LRFN2: variants seen among roughly 807,000 people sequenced by gnomAD.
LRFN2 encodes the protein leucine rich repeat and fibronectin type III domain containing 2.
LRFN2 carries 18 observed loss-of-function variants against 37.3 expected under a neutral mutation model. The ratio of observed to expected loss-of-function variants is 0.48; its 90% confidence interval spans 0.33 to 0.72. The LOEUF is 0.72. LRFN2 is among the 30% of genes least tolerant of loss of function. The pLI is 0.02. For synonymous variants in LRFN2, 556 were observed against 466.6 expected (o/e 1.19, Z -2.47); for missense variants, 1,006 against 1,060.7 (o/e 0.95, Z 0.72).
At chr6:40,449,199 G>T (rs1460693930) in intron 1 of LRFN2, among the ~76,000 whole-genome samples, 5 of 152,210 alleles carry the variant, frequency 3.3e-5, no homozygotes, top group African/African-American at 1.2e-4. Context: ...AGTATTTGAG[G>T]TGATGGATAT....
intron 2 of LRFN2, among the ~76,000 whole-genome samples, chr6:40,420,542 C>T (rs1763202713): frequency 6.6e-6 from 1 of 152,226 alleles, no homozygotes; most frequent in Non-Finnish European, 1.5e-5. Flanking sequence ...TGGGCAGGTG[C>T]CAAGAAATGC....
Position 40,433,024 on chromosome 6 carries a change from C to G in LRFN2, c.90G>C (p.Leu30=). 1 of 1,598,566 alleles carries G rather than the reference C, an allele frequency of 6.3e-7. No homozygotes were observed. The highest frequency in any genetic ancestry group is 1.7e-5 in the Admixed American group (1 of 58,058). The part of the protein sequence containing the change: ...ACPKYCVCQN[L]SESLGTLCPS... ...GGCACAGGGTCCCCAGTGACTCAGA[C>G]AGATTCTGGCAGACACAGTACTTGG... is the stretch of plus-strand genomic sequence containing the variant. The change falls in exon 2 of 3, where the codon CTG becomes CTC. Residue 30 remains leucine (L), a synonymous_variant. Transcript: ENST00000338305.
At chr6:40,411,981 C>T (rs1762978901) in intron 2 of LRFN2, among the ~76,000 whole-genome samples, 1 of 152,124 alleles carries the variant, frequency 6.6e-6, no homozygotes, top group African/African-American at 2.4e-5. Flanking sequence ...AGCATAGCTG[C>T]CTCAGGTCTC....
In LRFN2 at chr6:40,392,056, T is replaced by C. The variant is rs765933815; in HGVS notation, c.2257A>G (p.Thr753Ala). 5.6e-6 allele frequency: 9 copies of C among 1,614,010 alleles called. No individual in the cohort carries two copies. The highest frequency in any genetic ancestry group is 3.3e-5 in the Admixed American group (2 of 60,006). ...CCGTTGACAGAGAGGCTGCGCTTCG[T>C]CCAGATGTTCGAGACCTTCCGAGGA... ...SPPRKVSNIW[T>A]KRSLSVNGML... Residue 753 changes from threonine to alanine, a missense_variant, in exon 3 of 3, where the codon ACG becomes GCG. Physicochemically the swap from Thr to Ala is moderately conservative, Grantham distance 58. This residue lies in a region of LRFN2 where 398 missense variants were observed against 327.6 expected (regional missense o/e 1.21). Coordinates refer to ENST00000338305, the MANE Select transcript of LRFN2 (RefSeq NM_020737.3). The surrounding 1 kb of genome is among the most constrained non-coding windows in gnomAD (Gnocchi z 4.7).
Position 40,432,633 on chromosome 6 carries a change from G to A in LRFN2, c.481C>T (p.Leu161Phe). 1 of 1,614,228 alleles carries A rather than the reference G, an allele frequency of 6.2e-7. No individual in the cohort carries two copies. The highest frequency in any genetic ancestry group is 8.5e-7 in the Non-Finnish European group (1 of 1,180,044). The change falls in exon 2 of 3, where the codon CTC (leucine) becomes TTC (phenylalanine). Residue 161 changes from leucine to phenylalanine, a missense_variant. Leu to Phe is a conservative substitution (Grantham distance 22). Around this residue, in one of 4 missense-constraint regions of LRFN2, gnomAD observed 185 missense variants for 254.9 expected, o/e 0.73. Coordinates refer to ENST00000338305, the MANE Select transcript of LRFN2 (RefSeq NM_020737.3). ...LEDLDLSYNN[L>F]HGLPWDSVRR... ...ACGGAGTCCCACGGCAGGCCATGGA[G>A]GTTGTTGTAGGAGAGGTCCAGATCC...
At chr6:40,476,758 C>T (rs767736093) in intron 1 of LRFN2, among the ~76,000 whole-genome samples, 2 of 152,256 alleles carry the variant, frequency 1.3e-5, no homozygotes, top group Non-Finnish European at 1.5e-5. Flanking sequence ...TTGGCTGTTT[C>T]GCCACCACAC....
chr6:40,518,943 G>A (rs551928887), intron 1 of LRFN2, among the ~76,000 whole-genome samples: 43 of 152,288 alleles, frequency 2.8e-4, no homozygotes, highest in Non-Finnish European at 5.9e-4. Context: ...TGGAGAGTCT[G>A]GGGGCAGCAG....
intron 1 of LRFN2, among the ~76,000 whole-genome samples, chr6:40,480,014 C>T (rs1468017087): frequency 2.0e-5 from 3 of 152,344 alleles, no homozygotes; most frequent in East Asian, 1.9e-4. Flanking sequence ...CCCCTTTTCA[C>T]GTCTTTATAC....
chr6:40,392,627 G>T lies in LRFN2; in HGVS notation c.1686C>A (p.His562Gln). ...CCGCTGCCATCTTGCTGGGGGCCTC[G>T]TGGTTGCAGACCTTGTAGCGCACCA... is the stretch of plus-strand genomic sequence containing the variant. ...ILMVRYKVCN[H>Q]EAPSKMAAAV... Residue 562 changes from histidine (H) to glutamine (Q), a missense_variant, in exon 3 of 3, where the codon CAC (histidine) becomes CAA (glutamine). Transcript: ENST00000338305. The surrounding 1 kb of genome is among the most constrained non-coding windows in gnomAD (Gnocchi z 4.7). 6.2e-7 allele frequency: 1 copy of T among 1,611,542 alleles called. No individual in the cohort carries two copies.
intron 2 of LRFN2, among the ~76,000 whole-genome samples, chr6:40,421,053 G>A (rs2113814140): frequency 6.6e-6 from 1 of 152,332 alleles, no homozygotes; most frequent in African/African-American, 2.4e-5. Flanking sequence ...GCTGATCCCA[G>A]GGTTGGCGAC....
intron 1 of LRFN2, among the ~76,000 whole-genome samples, chr6:40,460,948 G>A (rs1389477194): frequency 6.6e-6 from 1 of 152,200 alleles, no homozygotes; most frequent in Non-Finnish European, 1.5e-5. Context: ...AACAACTAGG[G>A]GAGAGGGTAG....
chr6:40,514,512 G>A (rs906845959), intron 1 of LRFN2, among the ~76,000 whole-genome samples: 1 of 151,900 alleles, frequency 6.6e-6, no homozygotes, highest in Admixed American at 6.6e-5. Context: ...ACAGGGTTTT[G>A]CCATGTTGAC....
chr6:40,504,452 G>T (rs1765475026), intron 1 of LRFN2, among the ~76,000 whole-genome samples: 2 of 152,160 alleles, frequency 1.3e-5, no homozygotes, highest in Non-Finnish European at 2.9e-5. Flanking sequence ...TCACAACAAA[G>T]TAACCACTGT....
At chr6:40,393,805 AG>A in intron 2 of LRFN2, among the ~76,000 whole-genome samples, 1 of 152,264 alleles carries the variant, frequency 6.6e-6, no homozygotes, top group South Asian at 2.1e-4. Flanking sequence ...GTCAGAGACA[AG>A]GTCCTGCCTG....
At chr6:40,451,593 G>A (rs371741936) in intron 1 of LRFN2, among the ~76,000 whole-genome samples, 7 of 152,176 alleles carry the variant, frequency 4.6e-5, no homozygotes, top group East Asian at 1.9e-4. Flanking sequence ...GTCTGGCCAC[G>A]CGGCCTGTGT....
chr6:40,574,351 T>A (rs1044597551), intron 1 of LRFN2, among the ~76,000 whole-genome samples: 2 of 152,176 alleles, frequency 1.3e-5, no homozygotes, highest in African/African-American at 4.8e-5. Flanking sequence ...ACACAGCTCC[T>A]AAGTGGAACT....
intron 2 of LRFN2, among the ~76,000 whole-genome samples, chr6:40,399,658 G>A (rs1039151674): frequency 2.6e-5 from 4 of 151,354 alleles, no homozygotes; most frequent in African/African-American, 9.7e-5. Context: ...CGGTGGTCTT[G>A]AACTCTTGAG....
chr6:40,399,434 T>TC (rs1484194240), intron 2 of LRFN2, among the ~76,000 whole-genome samples: 1 of 118,012 alleles, frequency 8.5e-6, no homozygotes, highest in Non-Finnish European at 1.8e-5. Flanking sequence ...TTCTTTTTTT[T>TC]TTTCTTTTTT....
At chr6:40,436,218 G>T (rs1331959021) in intron 1 of LRFN2, among the ~76,000 whole-genome samples, 1 of 152,150 alleles carries the variant, frequency 6.6e-6, no homozygotes, top group African/African-American at 2.4e-5. Context: ...CATTTCAAAT[G>T]CTCATTAGCC....
Sources: gnomAD v4.1 joint callset for allele counts (sites outside exome capture counted in the v4.1 genomes callset) on GRCh38, gnomAD v4.1.1 for gene constraint, gnomAD v4.1.1 regional missense constraint, Gnocchi (gnomAD v3.1) non-coding constraint, MANE v1.5 for transcripts, NCBI Gene and HGNC (gene_info 2026-07-23, HGNC 2026-07-21) for gene names.